HS6ST3: variants seen among roughly 807,000 people sequenced by gnomAD.
HS6ST3 encodes the protein heparan-sulfate 6-O-sulfotransferase 3.
HS6ST3 carries 12 observed loss-of-function variants against 36.7 expected under a neutral mutation model. The observed-to-expected ratio is 0.33, with a 90% CI of 0.21 to 0.53. The LOEUF (loss-of-function observed/expected upper bound fraction) is 0.53. Among genes scored for constraint, HS6ST3 ranks in the 20% least tolerant of loss-of-function variants. The pLI, the probability that HS6ST3 is intolerant of heterozygous loss-of-function variation, is 0.95. For missense variants in HS6ST3, 584 were observed against 640.9 expected (o/e 0.91, Z 0.96); for synonymous variants, 240 against 257.5 (o/e 0.93, Z 0.65).
At chr13:96,788,837 A>G (rs1179486140) in intron 1 of HS6ST3, among the ~76,000 whole-genome samples, 6 of 151,934 alleles carry the variant, frequency 3.9e-5, no homozygotes, top group South Asian at 2.1e-4. Flanking sequence ...AAATTAATAT[A>G]ACAACTCCAG....
chr13:96,498,703 T>C (rs575684945), intron 1 of HS6ST3, among the ~76,000 whole-genome samples: 3 of 152,360 alleles, frequency 2.0e-5, no homozygotes, highest in African/African-American at 7.2e-5. Flanking sequence ...ATGTCACTGT[T>C]CTTTTAGTTA....
intron 1 of HS6ST3, among the ~76,000 whole-genome samples, chr13:96,793,770 A>G (rs148905450): frequency 6.6e-6 from 1 of 152,050 alleles, no homozygotes; most frequent in African/African-American, 2.4e-5. Context: ...TCACAACCAC[A>G]TATTGTCATC....
intron 1 of HS6ST3, among the ~76,000 whole-genome samples, chr13:96,638,657 G>C (rs2056558143): frequency 6.6e-6 from 1 of 151,832 alleles, no homozygotes; most frequent in Non-Finnish European, 1.5e-5. Flanking sequence ...GCCATCATGT[G>C]AAGAAGGACA....
At chr13:96,216,702 A>G (rs1247508694) in intron 1 of HS6ST3, among the ~76,000 whole-genome samples, 1 of 151,986 alleles carries the variant, frequency 6.6e-6, no homozygotes, top group Non-Finnish European at 1.5e-5. Context: ...TGCCCAGAGG[A>G]AGCTTGGAGG....
At chr13:96,630,418 G>A (rs111306778) in intron 1 of HS6ST3, among the ~76,000 whole-genome samples, 8,395 of 152,232 alleles carry the variant, frequency 0.055, 337 homozygotes, top group Non-Finnish European at 0.085. Context: ...AAGCATGAAT[G>A]TGGGTCACAA....
chr13:96,816,476 CTGAG>C (rs1414945141), intron 1 of HS6ST3, among the ~76,000 whole-genome samples: 1 of 152,328 alleles, frequency 6.6e-6, no homozygotes, highest in East Asian at 1.9e-4. Context: ...TCTTGGGAGC[CTGAG>C]TGAGAACACT....
intron 1 of HS6ST3, among the ~76,000 whole-genome samples, chr13:96,186,754 ACT>A (rs1001313442): frequency 1.3e-5 from 2 of 151,738 alleles, no homozygotes; most frequent in African/African-American, 2.4e-5. Flanking sequence ...TTCTAATCAG[ACT>A]CTCTGATGGA....
intron 1 of HS6ST3, among the ~76,000 whole-genome samples, chr13:96,460,425 T>C (rs1238485561): frequency 6.6e-6 from 1 of 152,212 alleles, no homozygotes; most frequent in Non-Finnish European, 1.5e-5. Context: ...TTGGAATTGT[T>C]TCCTTCTCAG....
chr13:96,302,450 A>G (rs1474168690), intron 1 of HS6ST3, among the ~76,000 whole-genome samples: 2 of 152,186 alleles, frequency 1.3e-5, no homozygotes, highest in African/African-American at 4.8e-5. Flanking sequence ...AAGGATAAGT[A>G]GGTATTCAAA....
At chr13:96,727,527 C>A (rs1876037165) in intron 1 of HS6ST3, among the ~76,000 whole-genome samples, 1 of 152,106 alleles carries the variant, frequency 6.6e-6, no homozygotes, top group South Asian at 2.1e-4. Flanking sequence ...GCCAAAAGTG[C>A]TTATTGTAAA....
At chr13:96,726,967 C>G (rs1277627912) in intron 1 of HS6ST3, among the ~76,000 whole-genome samples, 1 of 152,142 alleles carries the variant, frequency 6.6e-6, no homozygotes, top group Non-Finnish European at 1.5e-5. Flanking sequence ...GCTTTCTTTG[C>G]TACTCTGTGT....
chr13:96,331,710 C>T (rs923866245), intron 1 of HS6ST3, among the ~76,000 whole-genome samples: 31 of 152,328 alleles, frequency 2.0e-4, no homozygotes, highest in African/African-American at 7.5e-4. Context: ...GGGCTCCACC[C>T]AGTTGGAGCT....
intron 1 of HS6ST3, among the ~76,000 whole-genome samples, chr13:96,810,123 A>C (rs7322056): frequency 6.6e-6 from 1 of 152,150 alleles, no homozygotes; most frequent in Non-Finnish European, 1.5e-5. Flanking sequence ...AATGTGGTTT[A>C]GACCCAGAGG....
intron 1 of HS6ST3, among the ~76,000 whole-genome samples, chr13:96,469,944 CTA>C (rs1258758816): frequency 1.3e-5 from 2 of 152,140 alleles, no homozygotes; most frequent in East Asian, 3.8e-4. Flanking sequence ...TCTAAAAACA[CTA>C]TTAATTTTAA....
intron 1 of HS6ST3, among the ~76,000 whole-genome samples, chr13:96,398,839 G>T (rs1439653539): frequency 6.6e-6 from 1 of 152,180 alleles, no homozygotes; most frequent in Non-Finnish European, 1.5e-5. Flanking sequence ...GCTGGCCCTG[G>T]AGGCTGCCTC....
At chr13:96,158,652 C>CAAA (rs397954592) in intron 1 of HS6ST3, among the ~76,000 whole-genome samples, 13,862 of 68,362 alleles carry the variant, frequency 0.2, 2,840 homozygotes, top group East Asian at 0.28. Context: ...GACTCCGTCT[C>CAAA]AAAAAAAAAA....
intron 1 of HS6ST3, among the ~76,000 whole-genome samples, chr13:96,237,369 C>A (rs905871856): frequency 2.0e-5 from 3 of 152,032 alleles, no homozygotes; most frequent in African/African-American, 7.2e-5. Flanking sequence ...TCTTCCTTCT[C>A]TTCCTTCTCC....
At chr13:96,143,068 T>G (rs1351468922) in intron 1 of HS6ST3, among the ~76,000 whole-genome samples, 1 of 152,150 alleles carries the variant, frequency 6.6e-6, no homozygotes, top group East Asian at 1.9e-4. Context: ...TGACATCTTT[T>G]AAGATCATTC....
chr13:96,156,650 A>G, intron 1 of HS6ST3, among the ~76,000 whole-genome samples: 1 of 152,112 alleles, frequency 6.6e-6, no homozygotes, highest in South Asian at 2.1e-4. Context: ...GGGGAAGAGG[A>G]TTGGTTTATC....
Sources: gnomAD v4.1 joint callset for allele counts (sites outside exome capture counted in the v4.1 genomes callset) on GRCh38, gnomAD v4.1.1 for gene constraint, MANE v1.5 for transcripts, NCBI Gene and HGNC (gene_info 2026-07-23, HGNC 2026-07-21) for gene names.